The following PSD3 variants were observed in gnomAD, a reference collection of about 807,000 sequenced individuals.
The protein encoded by PSD3 is PH and SEC7 domain-containing protein 3.
A neutral mutation model predicts 105.5 loss-of-function variants in PSD3; 49 were observed. That is an observed-to-expected ratio of 0.46 (90% confidence interval 0.37 to 0.59). The LOEUF (loss-of-function observed/expected upper bound fraction) is 0.59. Among genes scored for constraint, PSD3 ranks in the 20% least tolerant of loss-of-function variants. The pLI is 0.00. For synonymous variants in PSD3, 557 were observed against 457.8 expected (o/e 1.22, Z -2.77); for missense variants, 1,561 against 1,263.8 (o/e 1.24, Z -3.57).
intron 4 of PSD3, among the ~76,000 whole-genome samples, chr8:18,832,232 G>A (rs956203487): frequency 1.3e-5 from 2 of 152,084 alleles, no homozygotes; most frequent in African/African-American, 4.8e-5. Context: ...AAAGAGTAAG[G>A]AAATTAAAGG....
intron 14 of PSD3, among the ~76,000 whole-genome samples, chr8:18,563,877 G>A (rs1283332337): frequency 6.6e-6 from 1 of 152,150 alleles, no homozygotes; most frequent in Non-Finnish European, 1.5e-5. Context: ...AAGATTACTG[G>A]AAGAGAGATC....
chr8:18,588,674 T>C (rs1162114727), intron 12 of PSD3, among the ~76,000 whole-genome samples: 1 of 152,180 alleles, frequency 6.6e-6, no homozygotes, highest in Non-Finnish European at 1.5e-5. Flanking sequence ...CTATCATAAA[T>C]CCGGAGAAGC....
chr8:18,882,853 ACACACACACACGCACG>A (rs1818202046), intron 2 of PSD3, among the ~76,000 whole-genome samples: 1 of 151,982 alleles, frequency 6.6e-6, no homozygotes, highest in Admixed American at 6.6e-5. Context: ...ATATACACAC[ACACACACACACGCACG>A]CACACACACA....
At chr8:19,013,528 G>A in intron 1 of PSD3, 35 bp downstream of exon 1, 2 of 1,576,094 alleles carry the variant, frequency 1.3e-6, no homozygotes, top group Admixed American at 1.7e-5. Flanking sequence ...CGCCGCGTGC[G>A]CACCCCGCGC....
At chr8:18,902,943 C>T (rs183478281) in intron 2 of PSD3, among the ~76,000 whole-genome samples, 4 of 152,266 alleles carry the variant, frequency 2.6e-5, no homozygotes, top group African/African-American at 9.6e-5. Flanking sequence ...TCTGACATGG[C>T]CTACAAGTGG....
At chr8:18,652,111 C>T (rs886822196) in intron 10 of PSD3, among the ~76,000 whole-genome samples, 3 of 151,998 alleles carry the variant, frequency 2.0e-5, no homozygotes, top group African/African-American at 4.8e-5. Flanking sequence ...CCAGGTAAGC[C>T]GGAAACGCTG....
chr8:18,836,338 G>A (rs981481178), intron 4 of PSD3, among the ~76,000 whole-genome samples: 18 of 152,132 alleles, frequency 1.2e-4, no homozygotes, highest in South Asian at 4.2e-4. Flanking sequence ...ACATACTTTC[G>A]GAATCAGTTA....
intron 11 of PSD3, among the ~76,000 whole-genome samples, chr8:18,614,105 C>G (rs1413851574): frequency 6.6e-6 from 1 of 152,216 alleles, no homozygotes; most frequent in East Asian, 1.9e-4. Flanking sequence ...GTCATCTCTT[C>G]TTAGTTGACA....
chr8:18,593,026 G>A (rs955085772), intron 12 of PSD3, among the ~76,000 whole-genome samples: 3 of 152,208 alleles, frequency 2.0e-5, no homozygotes, highest in African/African-American at 7.2e-5. Flanking sequence ...AACCCTAGAA[G>A]AAAACCTAGG....
Position 18,547,432 on chromosome 8 carries a change from C to A in PSD3, c.2928+8777G>T, listed in dbSNP as rs147545304. Among the ~76,000 whole-genome samples, 33 of 152,302 alleles carry A rather than the reference C, an allele frequency of 2.2e-4. No individual in the cohort carries two copies. The East Asian group carries it at 6.2e-3, about 28-fold the overall frequency. On this transcript the variant is annotated intron_variant, in intron 15 of 15. Coordinates refer to ENST00000327040, the MANE Select transcript of PSD3 (RefSeq NM_015310.4). ...AGTGGCAATGGAAGCTGGTGGGGAT[C>A]TTTTGCTTACCTTTTCCCCTCAAGG...
intron 1 of PSD3, among the ~76,000 whole-genome samples, chr8:19,055,371 A>T (rs914895844): frequency 2.0e-5 from 3 of 151,188 alleles, no homozygotes; most frequent in Non-Finnish European, 4.4e-5. Context: ...GTCCTGCCTC[A>T]GCCTCCCACG....
intron 2 of PSD3, among the ~76,000 whole-genome samples, chr8:18,874,145 T>TTTTTA (rs146118813): frequency 0.019 from 2,838 of 151,928 alleles, 85 homozygotes; most frequent in African/African-American, 0.061. Context: ...GTTGTTACCA[T>TTTTTA]TTTTATTTTA....
intron 9 of PSD3, among the ~76,000 whole-genome samples, chr8:18,658,362 A>G (rs1809054549): frequency 6.6e-6 from 1 of 152,228 alleles, no homozygotes; most frequent in Non-Finnish European, 1.5e-5. Flanking sequence ...TAGTTAAGAA[A>G]TGAATTCCCT....
chr8:18,936,004 C>T, intron 2 of PSD3, 30 bp downstream of exon 2: 1 of 1,409,166 alleles, frequency 7.1e-7, no homozygotes, highest in Non-Finnish European at 1.0e-6. Flanking sequence ...ATATAGTTTA[C>T]CTGGGAGAGG....
At chr8:18,826,022 G>A (rs1813155386) in intron 4 of PSD3, among the ~76,000 whole-genome samples, 1 of 152,132 alleles carries the variant, frequency 6.6e-6, no homozygotes. Flanking sequence ...AAAGCGGATG[G>A]CCCTCCCCAA....
At chr8:18,691,586 C>T (rs1442414078) in intron 9 of PSD3, among the ~76,000 whole-genome samples, 4 of 152,218 alleles carry the variant, frequency 2.6e-5, no homozygotes, top group South Asian at 2.1e-4. Flanking sequence ...TACAGAAATG[C>T]TATTTCACAG....
intron 9 of PSD3, chr8:18,733,710 C>T (rs1374603010): frequency 6.6e-6 from 1 of 152,624 alleles, no homozygotes; most frequent in East Asian, 1.9e-4. Flanking sequence ...TTCCTCCCTC[C>T]ACTCCTCAAC....
At chr8:18,673,454 A>G (rs944751058) in intron 9 of PSD3, among the ~76,000 whole-genome samples, 1 of 151,984 alleles carries the variant, frequency 6.6e-6, no homozygotes, top group Non-Finnish European at 1.5e-5. Flanking sequence ...ATCTATCTCT[A>G]TGTCAACTTC....
chr8:18,849,646 C>T (rs1419597247), intron 4 of PSD3: 2 of 152,202 alleles, frequency 1.3e-5, no homozygotes, highest in Admixed American at 1.3e-4. Flanking sequence ...GGAGGCGCTA[C>T]AGTAATTACA....
Sources: gnomAD v4.1 joint callset for allele counts (sites outside exome capture counted in the v4.1 genomes callset) on GRCh38, gnomAD v4.1.1 for gene constraint, MANE v1.5 for transcripts, NCBI Gene and HGNC (gene_info 2026-07-23, HGNC 2026-07-21) for gene names.